RSPO2: variants seen among roughly 807,000 people sequenced by gnomAD.
The protein encoded by RSPO2 is R-spondin-2.
In RSPO2, 14 loss-of-function variants were observed where a neutral mutation model predicts 30.9. That is an observed-to-expected ratio of 0.45 (90% CI 0.30 to 0.71). RSPO2 has a LOEUF of 0.71. RSPO2 is among the 30% of genes least tolerant of loss of function. The probability of loss-of-function intolerance (pLI) is 0.08; values close to 1 mark genes in which losing one functional copy is unlikely to be tolerated. For synonymous variants in RSPO2, 107 were observed against 96.4 expected, an observed-to-expected ratio of 1.11 and a Z score of -0.64; for missense variants, 264 against 301.9, an observed-to-expected ratio of 0.87 and a Z score of 0.93.
chr8:107,951,129 C>T (rs1439977601), intron 5 of RSPO2, among the ~76,000 whole-genome samples: 3 of 151,010 alleles, frequency 2.0e-5, no homozygotes, highest in East Asian at 2.0e-4. Context: ...TGCAGTGGCA[C>T]GATTTCAGCT....
intron 2 of RSPO2, among the ~76,000 whole-genome samples, chr8:108,008,520 G>A (rs1815536676): frequency 6.6e-6 from 1 of 152,066 alleles, no homozygotes; most frequent in Non-Finnish European, 1.5e-5. Flanking sequence ...TCATGGAGAG[G>A]TTGCAATCCT....
rs373581985 is a variant in RSPO2 at position 108,078,604 on chromosome 8, G to A, written c.94+3941C>T. Among the ~76,000 whole-genome samples the A allele has an allele frequency of 8.5e-5, 13 of 152,236 alleles. No homozygotes were observed. In the South Asian group the frequency reaches 1.5e-3, roughly 17 times the overall value. ...ATTAATTTATCTCTATAAGGTTTAA[G>A]AGAAAATGTTTGCTTTCTCTGGCCT... On this transcript the variant is annotated intron_variant, in intron 2 of 5. Coordinates refer to ENST00000276659, the MANE Select transcript of RSPO2 (RefSeq NM_178565.5).
At chr8:107,962,932 G>A (rs1279709427) in intron 3 of RSPO2, among the ~76,000 whole-genome samples, 1 of 152,058 alleles carries the variant, frequency 6.6e-6, no homozygotes. Context: ...ATAAGCATTT[G>A]GAATTAATTT....
chr8:108,031,844 AAAG>A (rs1297101160), intron 2 of RSPO2, among the ~76,000 whole-genome samples: 1 of 133,124 alleles, frequency 7.5e-6, no homozygotes, highest in Non-Finnish European at 1.6e-5. Flanking sequence ...CACAAGCAGA[AAAG>A]AAGAGGAAAA....
intron 2 of RSPO2, among the ~76,000 whole-genome samples, chr8:108,040,854 G>T (rs1586650933): frequency 6.6e-6 from 1 of 152,156 alleles, no homozygotes; most frequent in South Asian, 2.1e-4. Context: ...AACAGATGGG[G>T]TGTGGAGGTC....
rs56727719 is a variant in RSPO2 at position 108,057,055 on chromosome 8, C to CAAAAAAAAAAAAAAAA, written c.94+25474_94+25489dup. ...CTGGCAACAGAGTGAGACTCTGTCT[C>CAAAAAAAAAAAAAAAA]AAAAAAAAAAAAAAAAAAAAAAAAA... On this transcript the variant is annotated intron_variant, in intron 2 of 5. Coordinates refer to ENST00000276659, the MANE Select transcript of RSPO2 (RefSeq NM_178565.5). 5.8e-4 allele frequency among the ~76,000 whole-genome samples: 21 copies of CAAAAAAAAAAAAAAAA among 36,080 alleles called. 2 individuals carry two copies. Among genetic ancestry groups the CAAAAAAAAAAAAAAAA allele is most frequent in the Non-Finnish European group, 7.0e-4 (14 of 19,940 alleles). The allele number at this position is 36,080 out of a possible 152,430, so 23.7% of individuals were successfully genotyped here.
chr8:107,992,253 AG>A (rs1814873737), intron 2 of RSPO2, among the ~76,000 whole-genome samples: 1 of 152,152 alleles, frequency 6.6e-6, no homozygotes, highest in East Asian at 1.9e-4. Flanking sequence ...TGTCCTTTGC[AG>A]GGACATGGAT....
chr8:107,911,193 T>C (rs1302632222), intron 5 of RSPO2, among the ~76,000 whole-genome samples: 1 of 152,148 alleles, frequency 6.6e-6, no homozygotes, highest in Non-Finnish European at 1.5e-5. Flanking sequence ...CTGTGACTTT[T>C]TGGCTTACCT....
At chr8:108,041,366 T>TCC (rs1811753805) in intron 2 of RSPO2, among the ~76,000 whole-genome samples, 2 of 152,136 alleles carry the variant, frequency 1.3e-5, no homozygotes, top group South Asian at 4.2e-4. Context: ...TACCTAAAAC[T>TCC]CTTTGAAAAC....
intron 2 of RSPO2, among the ~76,000 whole-genome samples, chr8:108,033,545 T>C (rs1811496927): frequency 6.6e-6 from 1 of 152,222 alleles, no homozygotes; most frequent in African/African-American, 2.4e-5. Flanking sequence ...TGAATAAAAA[T>C]ATTCAATTAC....
chr8:107,907,230 T>C (rs1000023527), intron 5 of RSPO2, among the ~76,000 whole-genome samples: 3 of 152,018 alleles, frequency 2.0e-5, no homozygotes, highest in African/African-American at 7.2e-5. Context: ...ATTGTGGCTC[T>C]TTACTGACAG....
Position 107,930,078 on chromosome 8 carries a change from A to AGAACAGAATGG in RSPO2, c.616+28001_616+28002insCCATTCTGTTC, listed in dbSNP as rs563896113. Among the ~76,000 whole-genome samples the AGAACAGAATGG allele has an allele frequency of 3.8e-4, 58 of 152,332 alleles. No individual in the cohort carries two copies. In the South Asian group the frequency reaches 0.011, roughly 28 times the overall value. On this transcript the variant is annotated intron_variant, in intron 5 of 5. Coordinates refer to ENST00000276659, the MANE Select transcript of RSPO2 (RefSeq NM_178565.5). ...TCCTTAGTGGACTGACATTATCAACATCATTGCTAATTACCATTAATATGC... is the reference window on the plus strand; with the variant it reads ...TCCTTAGTGGACTGACATTATCAACAGAACAGAATGGTCATTGCTAATTACCATTAATATGC...
At chr8:107,916,905 G>A (rs1206009468) in intron 5 of RSPO2, among the ~76,000 whole-genome samples, 1 of 152,120 alleles carries the variant, frequency 6.6e-6, no homozygotes, top group Non-Finnish European at 1.5e-5. Flanking sequence ...TTACCTTATG[G>A]TCAAACGAAT....
intron 2 of RSPO2, among the ~76,000 whole-genome samples, chr8:108,033,681 T>C (rs545907718): frequency 6.6e-6 from 1 of 152,324 alleles, no homozygotes; most frequent in Admixed American, 6.5e-5. Context: ...ACTGAGAGCT[T>C]CTTATTAAAA....
At chr8:108,046,459 T>C (rs1442756553) in intron 2 of RSPO2, among the ~76,000 whole-genome samples, 5 of 152,024 alleles carry the variant, frequency 3.3e-5, no homozygotes, top group African/African-American at 7.2e-5. Flanking sequence ...GTGAATATGA[T>C]ATGATATAAA....
chr8:108,010,473 G>A (rs1810667806), intron 2 of RSPO2, among the ~76,000 whole-genome samples: 1 of 152,184 alleles, frequency 6.6e-6, no homozygotes, highest in African/African-American at 2.4e-5. Context: ...GAGGGCCTGA[G>A]ATGTCCTCTT....
At chr8:107,924,746 A>T (rs538685662) in intron 5 of RSPO2, among the ~76,000 whole-genome samples, 75 of 152,130 alleles carry the variant, frequency 4.9e-4, no homozygotes, top group African/African-American at 1.7e-3. Context: ...ATAGGATCTT[A>T]AATCAGTCAT....
intron 2 of RSPO2, among the ~76,000 whole-genome samples, chr8:108,013,841 T>C (rs920601352): frequency 2.6e-5 from 4 of 152,096 alleles, no homozygotes; most frequent in African/African-American, 7.2e-5. Flanking sequence ...AAAAGCCAAA[T>C]TGACAAATGG....
chr8:108,035,680 C>T (rs778312743), intron 2 of RSPO2, among the ~76,000 whole-genome samples: 2 of 152,002 alleles, frequency 1.3e-5, no homozygotes, highest in Admixed American at 6.6e-5. Flanking sequence ...ACCGTGTTAG[C>T]CAGGATGGTT....
Sources: gnomAD v4.1 joint callset for allele counts (sites outside exome capture counted in the v4.1 genomes callset) on GRCh38, gnomAD v4.1.1 for gene constraint, MANE v1.5 for transcripts, NCBI Gene and HGNC (gene_info 2026-07-23, HGNC 2026-07-21) for gene names.